CAST: variants seen among roughly 807,000 people sequenced by gnomAD.
CAST encodes the protein MIR583 host.
In CAST, 76 loss-of-function variants were observed where a neutral mutation model predicts 119.6. The ratio of observed to expected loss-of-function variants is 0.64; its 90% CI spans 0.53 to 0.77. The LOEUF (loss-of-function observed/expected upper bound fraction) is 0.77, where lower values mean the gene tolerates loss of function less well. CAST is among the 30% of genes least tolerant of loss of function. The pLI is 0.00. For synonymous variants in CAST, 319 were observed against 331.6 expected (o/e 0.96, Z 0.41); for missense variants, 953 against 946.5 (o/e 1.01, Z -0.09).
the CAST span, among the ~76,000 whole-genome samples, chr5:96,012,082 A>G: frequency 0.28 from 42,471 of 151,982 alleles, 6,481 homozygotes; most frequent in African/African-American, 0.41. Flanking sequence ...ATTCAAAATA[A>G]TAATGTAATA....
the CAST span, among the ~76,000 whole-genome samples, chr5:96,212,372 G>A: frequency 6.6e-6 from 1 of 152,026 alleles, no homozygotes; most frequent in East Asian, 1.9e-4. Context: ...TTGATCCATG[G>A]ATTATTTAGA....
At chr5:96,561,355 TAA>T (rs55783334) in intron 1 of CAST, among the ~76,000 whole-genome samples, 1 of 130,474 alleles carries the variant, frequency 7.7e-6, no homozygotes, top group African/African-American at 2.6e-5. Context: ...TAAAGTATAA[TAA>T]AAAAAAGAAA....
At chr5:96,255,826 T>C in the CAST span, among the ~76,000 whole-genome samples, 6 of 152,310 alleles carry the variant, frequency 3.9e-5, no homozygotes, top group Non-Finnish European at 7.3e-5. Context: ...GGCTGTACTT[T>C]AGTTAGACTT....
At chr5:96,388,689 C>T in the CAST span, among the ~76,000 whole-genome samples, 8 of 152,158 alleles carry the variant, frequency 5.3e-5, no homozygotes, top group Admixed American at 3.3e-4. Flanking sequence ...TTCTCTTCCT[C>T]CTCATGAGTT....
chr5:96,345,352 A>G, the CAST span, among the ~76,000 whole-genome samples: 1 of 152,122 alleles, frequency 6.6e-6, no homozygotes. Context: ...ACACTATTTT[A>G]CTGATACAAA....
chr5:96,412,951 T>C, the CAST span: 72 of 985,070 alleles, frequency 7.3e-5, 1 homozygote, highest in Admixed American at 1.7e-3. Context: ...CAAGCAGCCC[T>C]CTGGTGATGC....
At chr5:96,015,257 T>A in the CAST span, among the ~76,000 whole-genome samples, 2 of 152,190 alleles carry the variant, frequency 1.3e-5, no homozygotes, top group East Asian at 1.9e-4. Flanking sequence ...TTTATTTTTT[T>A]AAAATCCATA....
At chr5:96,572,593 G>A (rs1239292506) in intron 1 of CAST, among the ~76,000 whole-genome samples, 1 of 152,194 alleles carries the variant, frequency 6.6e-6, no homozygotes, top group Non-Finnish European at 1.5e-5. Context: ...GCTAAAGAGA[G>A]TACTTAAAGG....
the CAST span, among the ~76,000 whole-genome samples, chr5:96,374,155 G>A: frequency 6.6e-6 from 1 of 152,158 alleles, no homozygotes; most frequent in African/African-American, 2.4e-5. Flanking sequence ...GTGGGGAAAA[G>A]ACGAGTTTCC....
At chr5:96,590,482 G>A (rs928411063) in intron 1 of CAST, among the ~76,000 whole-genome samples, 1 of 152,154 alleles carries the variant, frequency 6.6e-6, no homozygotes, top group Admixed American at 6.6e-5. Context: ...GAACCCCCCA[G>A]AGCATCTCCT....
At chr5:96,051,119 C>T in the CAST span, among the ~76,000 whole-genome samples, 2 of 152,058 alleles carry the variant, frequency 1.3e-5, no homozygotes, top group African/African-American at 4.8e-5. Flanking sequence ...TCCTAAATTT[C>T]CCTAAAGTGT....
intron 1 of CAST, among the ~76,000 whole-genome samples, chr5:96,564,655 A>C (rs1177016462): frequency 6.6e-6 from 1 of 152,234 alleles, no homozygotes; most frequent in Admixed American, 6.5e-5. Context: ...TCAGTGGCTC[A>C]TGCCTGTAAT....
intron 3 of CAST, among the ~76,000 whole-genome samples, chr5:96,701,871 A>G (rs1753946216): frequency 6.6e-6 from 1 of 152,034 alleles, no homozygotes; most frequent in South Asian, 2.1e-4. Flanking sequence ...TTAAAGTTGG[A>G]AGGGCTCTTA....
chr5:96,010,761 T>C, the CAST span, among the ~76,000 whole-genome samples: 1 of 152,258 alleles, frequency 6.6e-6, no homozygotes, highest in Non-Finnish European at 1.5e-5. Flanking sequence ...TTCATTTGTG[T>C]CATCTCTGAT....
chr5:96,145,637 T>C, the CAST span, among the ~76,000 whole-genome samples: 1 of 152,204 alleles, frequency 6.6e-6, no homozygotes, highest in South Asian at 2.1e-4. Context: ...TTTTGGTAAG[T>C]AGAACCTATT....
intron 2 of CAST, among the ~76,000 whole-genome samples, chr5:96,681,141 A>T (rs1027160455): frequency 1.3e-5 from 2 of 152,132 alleles, no homozygotes. Context: ...TTCATTGACC[A>T]GAGTATTTTC....
chr5:96,687,495 G>A (rs1455934560), intron 2 of CAST, among the ~76,000 whole-genome samples: 1 of 152,196 alleles, frequency 6.6e-6, no homozygotes, highest in Non-Finnish European at 1.5e-5. Flanking sequence ...GAAAGATGTT[G>A]TTTGGAAAGA....
At chr5:96,573,632 C>G (rs892254806) in intron 1 of CAST, among the ~76,000 whole-genome samples, 1 of 72,914 alleles carries the variant, frequency 1.4e-5, no homozygotes, top group African/African-American at 5.2e-5. Flanking sequence ...AGAGCAACAC[C>G]CTGTCTCAAA....
chr5:96,531,274 T>TAA (rs1265721015), intron 1 of CAST, among the ~76,000 whole-genome samples: 1 of 152,126 alleles, frequency 6.6e-6, no homozygotes, highest in Non-Finnish European at 1.5e-5. Context: ...AAGAGACCCA[T>TAA]TCTGTCCTGT....
Sources: allele counts gnomAD v4.1 joint callset (sites outside exome capture counted in the v4.1 genomes callset), GRCh38; gene constraint gnomAD v4.1.1; transcripts MANE v1.5; gene names NCBI Gene and HGNC (gene_info 2026-07-23, HGNC 2026-07-21).